SERGEF: variants seen among roughly 807,000 people sequenced by gnomAD.
SERGEF encodes the protein secretion-regulating guanine nucleotide exchange factor.
SERGEF carries 51 observed loss-of-function variants against 50.0 expected under a neutral mutation model. The ratio of observed to expected loss-of-function variants is 1.02; its 90% CI spans 0.81 to 1.29. SERGEF has a LOEUF of 1.29. SERGEF is among the 50% of genes most tolerant of loss of function. The pLI is 0.00. For missense variants in SERGEF, 521 were observed against 557.0 expected (o/e 0.94, Z 0.65); for synonymous variants, 205 against 212.4 (o/e 0.97, Z 0.30).
At chr11:18,010,264 A>C (rs1417897011) in intron 1 of SERGEF, 1 of 322,314 alleles carries the variant, frequency 3.1e-6, no homozygotes, top group Admixed American at 4.1e-5. Flanking sequence ...AAGGACTCAA[A>C]GATGGAAGAG....
intron 10 of SERGEF, among the ~76,000 whole-genome samples, chr11:17,820,523 G>A (rs1477902646): frequency 1.3e-5 from 2 of 152,034 alleles, no homozygotes; most frequent in East Asian, 1.9e-4. Flanking sequence ...AATTACCTTG[G>A]GCAAATCACT....
chr11:17,801,697 A>G (rs553664444), intron 10 of SERGEF, among the ~76,000 whole-genome samples: 1 of 152,284 alleles, frequency 6.6e-6, no homozygotes, highest in South Asian at 2.1e-4. Context: ...GAATGAATGT[A>G]TTCCCCAAAT....
chr11:17,880,992 T>A (rs957929650), intron 9 of SERGEF, among the ~76,000 whole-genome samples: 2 of 152,152 alleles, frequency 1.3e-5, no homozygotes, highest in Non-Finnish European at 2.9e-5. Context: ...ATAAACATTA[T>A]CACATTTTAG....
At chr11:17,819,391 T>G (rs1850034712) in intron 10 of SERGEF, among the ~76,000 whole-genome samples, 1 of 152,208 alleles carries the variant, frequency 6.6e-6, no homozygotes, top group South Asian at 2.1e-4. Context: ...TAAATGAAAG[T>G]AACATTCATT....
intron 10 of SERGEF, among the ~76,000 whole-genome samples, chr11:17,864,065 G>A (rs1311150933): frequency 2.0e-5 from 3 of 152,220 alleles, no homozygotes; most frequent in African/African-American, 7.2e-5. Context: ...TAGTTATGGT[G>A]CACAGTGGAA....
chr11:17,978,155 T>A (rs1420938926), intron 8 of SERGEF, among the ~76,000 whole-genome samples: 1 of 152,130 alleles, frequency 6.6e-6, no homozygotes. Flanking sequence ...AAATGAACCC[T>A]ACCTTAAGGG....
At chr11:17,892,894 A>G (rs60856906) in intron 9 of SERGEF, among the ~76,000 whole-genome samples, 30,707 of 152,152 alleles carry the variant, frequency 0.2, 3,322 homozygotes, top group Middle Eastern at 0.29. Context: ...TTAGACAGAA[A>G]AGTGGGATGT....
chr11:17,834,256 T>C (rs1850364202), intron 10 of SERGEF, among the ~76,000 whole-genome samples: 1 of 152,214 alleles, frequency 6.6e-6, no homozygotes, highest in African/African-American at 2.4e-5. Flanking sequence ...CTCATTTTTT[T>C]GCCTGTCTAC....
intron 10 of SERGEF, among the ~76,000 whole-genome samples, chr11:17,828,544 T>C (rs1850242179): frequency 6.6e-6 from 1 of 152,258 alleles, no homozygotes; most frequent in Non-Finnish European, 1.5e-5. Flanking sequence ...CATTTTGTCA[T>C]CTTGATTCTT....
intron 10 of SERGEF, among the ~76,000 whole-genome samples, chr11:17,872,419 A>T (rs765825977): frequency 2.6e-4 from 40 of 152,370 alleles, no homozygotes; most frequent in Non-Finnish European, 5.1e-4. Context: ...CAACTTAAAA[A>T]GATAAACAAA....
At chr11:17,794,041 C>G (rs546879312) in intron 10 of SERGEF, among the ~76,000 whole-genome samples, 1 of 152,294 alleles carries the variant, frequency 6.6e-6, no homozygotes, top group African/African-American at 2.4e-5. Context: ...CAGCCCAGTG[C>G]TAGGGAGGGG....
chr11:17,897,156 T>C (rs897195915), intron 9 of SERGEF, among the ~76,000 whole-genome samples: 7 of 152,120 alleles, frequency 4.6e-5, no homozygotes, highest in Non-Finnish European at 8.8e-5. Context: ...GAAGATGTGG[T>C]GCTACATAAA....
In SERGEF at chr11:18,004,489, T is replaced by A. The variant is rs1565229076; in HGVS notation, c.399A>T (p.Leu133Phe). Residue 133 changes from leucine (L) to phenylalanine (F), a missense_variant, in exon 4 of 11, where the codon TTA becomes TTT. By Grantham distance (22) the Leu-to-Phe change is conservative. Coordinates refer to ENST00000265965, the MANE Select transcript of SERGEF (RefSeq NM_012139.4). ...ATCTTCGAGGTCCATGAGGAACTCC[T>A]AACTGGCCAAAGGAGTTGGATCCAC... ...LSCGSNSFGQ[L>F]GVPHGPRRCV... 3 of 1,613,984 alleles carry A rather than the reference T, an allele frequency of 1.9e-6. No homozygotes were observed. The highest frequency in any genetic ancestry group is 2.5e-6 in the Non-Finnish European group (3 of 1,179,914).
chr11:17,885,383 G>A (rs185655472), intron 9 of SERGEF, among the ~76,000 whole-genome samples: 56 of 152,282 alleles, frequency 3.7e-4, no homozygotes, highest in African/African-American at 1.3e-3. Flanking sequence ...GTGCAGTGGT[G>A]TGAACCTAGC....
At chr11:17,860,708 C>G (rs1227848606) in intron 10 of SERGEF, among the ~76,000 whole-genome samples, 3 of 152,174 alleles carry the variant, frequency 2.0e-5, no homozygotes, top group Non-Finnish European at 4.4e-5. Flanking sequence ...TAGCTCAAAT[C>G]CTGGTTTCAT....
At chr11:17,918,922 A>G (rs2133937232) in intron 9 of SERGEF, 1 of 334,496 alleles carries the variant, frequency 3.0e-6, no homozygotes, top group South Asian at 2.3e-5. Flanking sequence ...GGTTCACTTA[A>G]CGTGACTTTG....
chr11:17,904,923 T>C (rs1213098718), intron 9 of SERGEF, among the ~76,000 whole-genome samples: 3 of 152,234 alleles, frequency 2.0e-5, no homozygotes, highest in Admixed American at 6.5e-5. Context: ...CCTATCCTAA[T>C]GGGTTCATCT....
rs547619802 is a variant in SERGEF at position 17,911,009 on chromosome 11, C to T, written c.1012-32765G>A. Reference sequence around the variant, plus strand: ...AGGGAGGGAAAATAGTACTTCAAGACTGTGGCAACATTCATTCAACAAACG... The same window carrying T: ...AGGGAGGGAAAATAGTACTTCAAGATTGTGGCAACATTCATTCAACAAACG... On this transcript the variant is annotated intron_variant, in intron 9 of 10. Coordinates refer to ENST00000265965, the MANE Select transcript of SERGEF (RefSeq NM_012139.4). Among the ~76,000 whole-genome samples the T allele has an allele frequency of 7.9e-5, 12 of 152,248 alleles. No homozygotes were observed. In the South Asian group the frequency reaches 2.5e-3, roughly 32 times the overall value.
intron 10 of SERGEF, among the ~76,000 whole-genome samples, chr11:17,817,887 G>A (rs1401342088): frequency 6.6e-6 from 1 of 152,186 alleles, no homozygotes; most frequent in Non-Finnish European, 1.5e-5. Context: ...ACTCAGGGAG[G>A]CCAGTTGACT....
Sources: gnomAD v4.1 joint callset for allele counts (sites outside exome capture counted in the v4.1 genomes callset) on GRCh38, gnomAD v4.1.1 for gene constraint, MANE v1.5 for transcripts, NCBI Gene and HGNC (gene_info 2026-07-23, HGNC 2026-07-21) for gene names.